Variants in TGFBR2 observed in about 807,000 individuals in gnomAD.
The protein encoded by TGFBR2 is TGF-beta receptor type-2.
In TGFBR2, 18 loss-of-function variants were observed where a neutral mutation model predicts 49.0. The ratio of observed to expected loss-of-function variants is 0.37; its 90% CI spans 0.25 to 0.54. The LOEUF is 0.54. Ranked by LOEUF, TGFBR2 falls within the 20% of genes least tolerant of loss-of-function variation. The pLI is 0.85. For synonymous variants in TGFBR2, 282 were observed against 275.9 expected, an observed-to-expected ratio of 1.02 and a Z score of -0.22; for missense variants, 525 against 722.6, an observed-to-expected ratio of 0.73 and a Z score of 3.13.
intron 3 of TGFBR2, among the ~76,000 whole-genome samples, chr3:30,652,848 T>C (rs899814126): frequency 1.1e-4 from 16 of 152,242 alleles, no homozygotes; most frequent in African/African-American, 3.9e-4. Flanking sequence ...TTGAATATCT[T>C]TGTCAAAATA....
intron 6 of TGFBR2, among the ~76,000 whole-genome samples, chr3:30,689,269 A>G (rs1699674172): frequency 6.6e-6 from 1 of 152,226 alleles, no homozygotes; most frequent in South Asian, 2.1e-4. Flanking sequence ...CAGAGAAAAA[A>G]GAAAACGATA....
At chr3:30,657,929 G>A (rs1469787187) in intron 3 of TGFBR2, among the ~76,000 whole-genome samples, 1 of 152,214 alleles carries the variant, frequency 6.6e-6, no homozygotes, top group Non-Finnish European at 1.5e-5. Flanking sequence ...TTAGAAAGGT[G>A]TTCTCCTCAT....
At chr3:30,645,229 G>A (rs922736227) in intron 2 of TGFBR2, among the ~76,000 whole-genome samples, 12 of 151,968 alleles carry the variant, frequency 7.9e-5, no homozygotes, top group African/African-American at 2.4e-4. Flanking sequence ...GGGATTTGCC[G>A]CTTAGTAGTC....
intron 1 of TGFBR2, among the ~76,000 whole-genome samples, chr3:30,628,528 G>GTTTTTTTTT: frequency 1.2e-5 from 1 of 80,192 alleles, no homozygotes; most frequent in Non-Finnish European, 2.2e-5. Flanking sequence ...AAGCCTGTGG[G>GTTTTTTTTT]TTTTTTTTTT....
chr3:30,615,238 G>A (rs530549418), intron 1 of TGFBR2, among the ~76,000 whole-genome samples: 2 of 152,278 alleles, frequency 1.3e-5, no homozygotes, highest in Admixed American at 1.3e-4. Context: ...TGGATTTACT[G>A]TGAAGTGCTT....
chr3:30,671,126 T>A (rs1699328883), intron 3 of TGFBR2, among the ~76,000 whole-genome samples: 1 of 152,214 alleles, frequency 6.6e-6, no homozygotes, highest in African/African-American at 2.4e-5. Flanking sequence ...TAGATAACAC[T>A]CAGTAAATGG....
At chr3:30,679,254 G>GTTA (rs1484305614) in intron 5 of TGFBR2, among the ~76,000 whole-genome samples, 1 of 152,174 alleles carries the variant, frequency 6.6e-6, no homozygotes, top group Non-Finnish European at 1.5e-5. Context: ...GGAGTGCAGT[G>GTTA]TTATGGTCAG....
intron 1 of TGFBR2, among the ~76,000 whole-genome samples, chr3:30,617,908 A>G (rs1311347736): frequency 1.3e-5 from 2 of 152,246 alleles, no homozygotes; most frequent in Non-Finnish European, 2.9e-5. Flanking sequence ...CTGCTGTAAT[A>G]GCATTAAAGC....
chr3:30,691,558 G>A lies in TGFBR2; in HGVS notation c.1663G>A (p.Glu555Lys), dbSNP rs1325892805. 2 of 1,614,136 alleles carry A rather than the reference G, an allele frequency of 1.2e-6. No individual in the cohort carries two copies. The highest frequency in any genetic ancestry group is 8.5e-7 in the Non-Finnish European group (1 of 1,180,000). ...GCTCTCGGGGAGGAGCTGCTCGGAG[G>A]AGAAGATTCCTGAAGACGGCTCCCT... ...DRLSGRSCSEEKIPEDGSLNT... is the reference protein window; with the variant it reads ...DRLSGRSCSEKKIPEDGSLNT... The change falls in exon 7 of 7, where the codon GAG (glutamate) becomes AAG (lysine). Residue 555 changes from glutamate to lysine, a missense_variant. Glu to Lys is a moderately conservative substitution (Grantham distance 56). Transcript: ENST00000295754.
chr3:30,666,638 C>T (rs1699249009), intron 3 of TGFBR2, among the ~76,000 whole-genome samples: 1 of 136,378 alleles, frequency 7.3e-6, no homozygotes, highest in Admixed American at 7.5e-5. Context: ...CCCTACCCCC[C>T]CATCCCCGCC....
At chr3:30,651,800 A>C (rs1698893133) in intron 3 of TGFBR2, among the ~76,000 whole-genome samples, 1 of 152,386 alleles carries the variant, frequency 6.6e-6, no homozygotes, top group East Asian at 1.9e-4. Flanking sequence ...GGATGTAAGC[A>C]TATGGATTTC....
At chr3:30,684,514 C>A (rs1382058981) in intron 5 of TGFBR2, among the ~76,000 whole-genome samples, 1 of 152,156 alleles carries the variant, frequency 6.6e-6, no homozygotes, top group East Asian at 1.9e-4. Context: ...TAGAGTATGA[C>A]AGTTTAGGTC....
Position 30,629,671 on chromosome 3 carries a change from G to GT in TGFBR2, c.95-15073dup, listed in dbSNP as rs746124919. 4.6e-5 allele frequency among the ~76,000 whole-genome samples: 7 copies of GT among 152,156 alleles called. 1 individual carries two copies. Among genetic ancestry groups the GT allele is most frequent in the Admixed American group, 1.3e-4 (2 of 15,274 alleles). Reference sequence around the variant, plus strand: ...AGGGATAGGAAAGCCATCACCAAGTGTTTATAGAGTACCAACCACCGTGTG... The same window carrying GT: ...AGGGATAGGAAAGCCATCACCAAGTGTTTTATAGAGTACCAACCACCGTGTG... On this transcript the variant is annotated intron_variant, in intron 1 of 6. Transcript: ENST00000295754.
intron 2 of TGFBR2, among the ~76,000 whole-genome samples, chr3:30,649,946 C>G (rs990664598): frequency 7.9e-5 from 12 of 152,092 alleles, no homozygotes; most frequent in Admixed American, 7.2e-4. Flanking sequence ...CATGTCTTCC[C>G]CTTTAATGAT....
At chr3:30,668,075 T>A (rs1387221841) in intron 3 of TGFBR2, among the ~76,000 whole-genome samples, 2 of 152,178 alleles carry the variant, frequency 1.3e-5, no homozygotes, top group African/African-American at 2.4e-5. Flanking sequence ...CATTCTTAGG[T>A]CATAGGACTA....
At chr3:30,647,132 A>G (rs1328243504) in intron 2 of TGFBR2, among the ~76,000 whole-genome samples, 1 of 152,166 alleles carries the variant, frequency 6.6e-6, no homozygotes, top group Non-Finnish European at 1.5e-5. Flanking sequence ...TGGCTGTTGA[A>G]GGATCACTGC....
At chr3:30,620,638 CAT>C (rs1477550974) in intron 1 of TGFBR2, among the ~76,000 whole-genome samples, 1 of 152,074 alleles carries the variant, frequency 6.6e-6, no homozygotes, top group African/African-American at 2.4e-5. Flanking sequence ...TTTATTCTCT[CAT>C]GTGTGAATCT....
chr3:30,633,998 A>T (rs1698483476), intron 1 of TGFBR2, among the ~76,000 whole-genome samples: 1 of 152,214 alleles, frequency 6.6e-6, no homozygotes, highest in Non-Finnish European at 1.5e-5. Context: ...CAGAGAAAAT[A>T]TGGAAATCAT....
chr3:30,674,346 T>C (rs1699396119), intron 5 of TGFBR2, 100 bp downstream of exon 5: 3 of 1,455,458 alleles, frequency 2.1e-6, no homozygotes, highest in South Asian at 1.1e-5. Context: ...AAGCAGTTAT[T>C]AGAGCTAGTT....
Sources: gnomAD v4.1 joint callset for allele counts (sites outside exome capture counted in the v4.1 genomes callset) on GRCh38, gnomAD v4.1.1 for gene constraint, MANE v1.5 for transcripts, NCBI Gene and HGNC (gene_info 2026-07-23, HGNC 2026-07-21) for gene names.